The following PRPF6 variants were observed in gnomAD, a reference collection of about 807,000 sequenced individuals.
PRPF6 encodes the protein pre-mRNA-processing factor 6.
PRPF6 carries 42 observed loss-of-function variants against 118.3 expected under a neutral mutation model. The ratio of observed to expected loss-of-function variants is 0.35; its 90% CI spans 0.28 to 0.46. PRPF6 has a LOEUF of 0.46. PRPF6 is among the 20% of genes least tolerant of loss of function. PRPF6 has a pLI of 1.00. For synonymous variants in PRPF6, 481 were observed against 485.1 expected (o/e 0.99, Z 0.11); for missense variants, 662 against 1,255.7 (o/e 0.53, Z 7.15).
chr20:64,002,350 T>G (rs1439067226), intron 9 of PRPF6, among the ~76,000 whole-genome samples: 3 of 147,820 alleles, frequency 2.0e-5, no homozygotes, highest in African/African-American at 7.5e-5. Flanking sequence ...CATTTTTTTT[T>G]TTTTAGACAG....
At chr20:64,025,886 GC>G (rs2059287425) in intron 14 of PRPF6, 52 bp from the exon 15 acceptor site, 1 of 1,612,728 alleles carries the variant, frequency 6.2e-7, no homozygotes, top group African/African-American at 1.3e-5. Context: ...GTGTGATCAG[GC>G]GCTGGTCCCT....
At chr20:63,991,504 G>T (rs1236394097) in intron 3 of PRPF6, among the ~76,000 whole-genome samples, 1 of 152,062 alleles carries the variant, frequency 6.6e-6, no homozygotes, top group Non-Finnish European at 1.5e-5. Flanking sequence ...AAAAAGTAGT[G>T]TACTTGGCCG....
At chr20:64,020,785 ATT>A (rs10670252) in intron 12 of PRPF6, among the ~76,000 whole-genome samples, 14 of 134,128 alleles carry the variant, frequency 1.0e-4, no homozygotes, top group East Asian at 2.2e-4. Flanking sequence ...ACTATACCTA[ATT>A]TTTTTTTTTT....
intron 9 of PRPF6, among the ~76,000 whole-genome samples, chr20:64,001,821 G>C (rs947381623): frequency 1.3e-5 from 2 of 152,182 alleles, no homozygotes; most frequent in Non-Finnish European, 2.9e-5. Flanking sequence ...TGCCAGGGTA[G>C]AGCTTTTGTG....
At chr20:63,999,790 G>C in intron 8 of PRPF6, 31 bp downstream of exon 8, 3 of 1,612,264 alleles carry the variant, frequency 1.9e-6, no homozygotes, top group Non-Finnish European at 2.5e-6. Context: ...CGTTTCCTGG[G>C]AGGCTGCGTG....
chr20:63,990,592 C>T (rs1394634648), intron 3 of PRPF6, among the ~76,000 whole-genome samples: 1 of 151,956 alleles, frequency 6.6e-6, no homozygotes, highest in Non-Finnish European at 1.5e-5. Context: ...GCTTCAGCCT[C>T]CCAGGTAGCT....
chr20:63,987,814 G>C (rs1247342831), intron 3 of PRPF6, among the ~76,000 whole-genome samples: 2 of 152,132 alleles, frequency 1.3e-5, no homozygotes, highest in Admixed American at 6.5e-5. Context: ...TTGGGAGGCT[G>C]AGGGTGGGTG....
In PRPF6 at chr20:64,001,386, C is replaced by T. The variant is rs946222996; in HGVS notation, c.1186+147C>T. ...CTTTTCTCAGGCTGGGTTGCCTCTG[C>T]CCTTGGACCCCCATGGGGGAGGGAT... On this transcript the variant is annotated intron_variant, in intron 9 of 20. Transcript: ENST00000266079. 11 of 940,398 alleles carry T rather than the reference C, an allele frequency of 1.2e-5. No homozygotes were observed. The African/African-American group carries it at 1.3e-4, about 11-fold the overall frequency. The allele number at this position is 940,398 out of a possible 1,614,324, so 58.3% of individuals were successfully genotyped here.
At position 64,028,472 on chromosome 20, in the gene PRPF6, C is replaced by T. The variant is rs2059301272; in HGVS notation, c.2340-6C>T. 2 of 1,613,904 alleles carry T rather than the reference C, an allele frequency of 1.2e-6. No homozygotes were observed. Among genetic ancestry groups the T allele is most frequent in the South Asian group, 2.2e-5 (2 of 91,082 alleles). On this transcript the variant is annotated splice_polypyrimidine_tract_variant and splice_region_variant and intron_variant, in intron 17 of 20. Transcript: ENST00000266079. The surrounding 1 kb of genome is among the most constrained non-coding windows in gnomAD (Gnocchi z 6.5). ...CTGTGGGACCTCCGGGGGCCTGTCT[C>T]CTCAGGTTGGAGTCCGTGCGGCTGG...
At chr20:63,992,251 T>C (rs1380707529) in intron 3 of PRPF6, among the ~76,000 whole-genome samples, 3 of 151,990 alleles carry the variant, frequency 2.0e-5, no homozygotes, top group African/African-American at 4.8e-5. Flanking sequence ...CATGCCCAGC[T>C]AATTTTTATT....
chr20:63,986,906 C>T (rs1015127400), intron 3 of PRPF6, among the ~76,000 whole-genome samples: 7 of 150,882 alleles, frequency 4.6e-5, no homozygotes, highest in Non-Finnish European at 7.4e-5. Flanking sequence ...TGGTGGCTCA[C>T]GTCTGTAATC....
In PRPF6 at chr20:64,032,969, C is replaced by T. The variant is rs755778991; in HGVS notation, c.2802C>T (p.Ala934=). ...KKIGDILRLV[A]GRIKNTF is the part of the protein sequence containing the mutation. Reference sequence around the variant, plus strand: ...TCGGGGACATCCTTAGGCTGGTGGCCGGCCGCATCAAGAACACCTTCTGAT... The same window carrying T: ...TCGGGGACATCCTTAGGCTGGTGGCTGGCCGCATCAAGAACACCTTCTGAT... Residue 934 remains alanine (A), a synonymous_variant, in exon 21 of 21, where the codon GCC becomes GCT. Transcript: ENST00000266079. 7.4e-6 allele frequency: 12 copies of T among 1,613,320 alleles called. No homozygotes were observed. The highest frequency in any genetic ancestry group is 1.6e-4 in the Middle Eastern group (1 of 6,062).
chr20:64,022,378 G>C (rs2059270689), intron 12 of PRPF6, among the ~76,000 whole-genome samples: 1 of 152,154 alleles, frequency 6.6e-6, no homozygotes, highest in African/African-American at 2.4e-5. Context: ...CGTGATCTCG[G>C]CTCACTGCAA....
At position 64,001,073 on chromosome 20, in the gene PRPF6, A is replaced by G; in HGVS notation, c.1024-4A>G. 6.2e-7 allele frequency: 1 copy of G among 1,613,966 alleles called. No homozygotes were observed. The highest frequency in any genetic ancestry group is 8.5e-7 in the Non-Finnish European group (1 of 1,179,996). ...CCTTATTGGTCTTATCTCTTGCCTCACAGAGTGAAGATGTCTGGCTGGAAG... is the reference window on the plus strand; with the variant it reads ...CCTTATTGGTCTTATCTCTTGCCTCGCAGAGTGAAGATGTCTGGCTGGAAG... On this transcript the variant is annotated splice_region_variant and splice_polypyrimidine_tract_variant and intron_variant, in intron 8 of 20. Coordinates refer to ENST00000266079, the MANE Select transcript of PRPF6 (RefSeq NM_012469.4).
chr20:64,011,484 A>C lies in PRPF6; in HGVS notation c.1505A>C (p.Asn502Thr). ...CTGCGGGCCAACGGTGTGGAGATCA[A>C]CCGTGAGCAGTGGATCCAGGTGGGC... The part of the protein sequence containing the change: ...TSLRANGVEI[N>T]REQWIQDAEE... Residue 502 changes from asparagine to threonine, a missense_variant, in exon 11 of 21, where the codon AAC (asparagine) becomes ACC (threonine). Around this residue, in one of 10 missense-constraint regions of PRPF6, gnomAD observed 189 missense variants for 323.5 expected, o/e 0.58. Transcript: ENST00000266079. The surrounding 1 kb of genome is among the most constrained non-coding windows in gnomAD (Gnocchi z 6.7). 1.2e-6 allele frequency: 2 copies of C among 1,613,382 alleles called. No homozygotes were observed. Among genetic ancestry groups the C allele is most frequent in the Non-Finnish European group, 1.7e-6 (2 of 1,179,964 alleles).
chr20:63,999,451 T>C lies in PRPF6; in HGVS notation c.867-152T>C, dbSNP rs1165517156. The C allele has an allele frequency of 5.8e-6, 6 of 1,042,368 alleles. No homozygotes were observed. The East Asian group carries it at 7.1e-5, about 12-fold the overall frequency. 64.6% of individuals were successfully genotyped at this position (1,042,368 alleles called of 1,614,324 possible). A position where few individuals can be genotyped will look rare whatever the true frequency, so the allele number is the denominator to read the frequency against. ...GGGAGGCTACAGAGGCTTGGAATAGTGCGCACTGAGGTTTTGAGTTGGTTT... is the reference window on the plus strand; with the variant it reads ...GGGAGGCTACAGAGGCTTGGAATAGCGCGCACTGAGGTTTTGAGTTGGTTT... On this transcript the variant is annotated intron_variant, in intron 7 of 20. Transcript: ENST00000266079.
At chr20:64,005,207 C>T (rs1048207414) in intron 9 of PRPF6, among the ~76,000 whole-genome samples, 7 of 152,136 alleles carry the variant, frequency 4.6e-5, no homozygotes, top group African/African-American at 9.7e-5. Flanking sequence ...TAGTGCCATG[C>T]CTGTGGGCTG....
rs1188076589 is a variant in PRPF6 at position 63,983,152 on chromosome 20, G to A, written c.177G>A (p.Gln59=). ...CAGGCAAGAGAACCGTTGGGGACCA[G>A]ATGAAGAAAAATCAGGCTGCTGACG... The part of the protein sequence containing the change: ...APPGKRTVGD[Q]MKKNQAADDD... Residue 59 remains glutamine (Q), a synonymous_variant, in exon 2 of 21, where the codon CAG becomes CAA. Transcript: ENST00000266079. The A allele has an allele frequency of 1.2e-6, 2 of 1,614,090 alleles. No homozygotes were observed. Among genetic ancestry groups the A allele is most frequent in the Non-Finnish European group, 1.7e-6 (2 of 1,180,054 alleles).
rs549629317 is a variant in PRPF6, at chr20:64,029,596, G to A, written c.2546+105G>A. 681 of 1,042,620 alleles carry A rather than the reference G, an allele frequency of 6.5e-4. No individual in the cohort carries two copies. Among genetic ancestry groups the A allele is most frequent in the Non-Finnish European group, 9.0e-4 (618 of 685,558 alleles). 64.6% of individuals were successfully genotyped at this position (1,042,620 alleles called of 1,614,324 possible). On this transcript the variant is annotated intron_variant, in intron 19 of 20. Coordinates refer to ENST00000266079, the MANE Select transcript of PRPF6 (RefSeq NM_012469.4). This position sits in a 1 kb window ranked among gnomAD's most constrained non-coding sequence, Gnocchi z 4.8. ...GTCATTGTAAAGATGCCCGGCAGCAGGGTGGGCTTCCCCGATCCTCGGCTG... is the reference window on the plus strand; with the variant it reads ...GTCATTGTAAAGATGCCCGGCAGCAAGGTGGGCTTCCCCGATCCTCGGCTG...
Sources: allele counts gnomAD v4.1 joint callset (sites outside exome capture counted in the v4.1 genomes callset), GRCh38; gene constraint gnomAD v4.1.1; regional missense constraint gnomAD v4.1.1; non-coding constraint Gnocchi (gnomAD v3.1); transcripts MANE v1.5; gene names NCBI Gene and HGNC (gene_info 2026-07-23, HGNC 2026-07-21).